Variants in TENM3 observed in about 807,000 individuals in gnomAD.
TENM3 encodes teneurin-3.
Under a neutral mutation model 255.1 loss-of-function variants are expected in TENM3, and 63 were observed. That is an observed-to-expected ratio of 0.25 (90% CI 0.20 to 0.30). The LOEUF is 0.30. TENM3 is among the 10% of genes least tolerant of loss of function. TENM3 has a pLI of 1.00. For synonymous variants in TENM3, 1,306 were observed against 1,322.3 expected (o/e 0.99, Z 0.27); for missense variants, 2,929 against 3,461.1 (o/e 0.85, Z 3.86).
chr4:182,250,485 A>T (rs1757946544), intron 1 of TENM3, among the ~76,000 whole-genome samples: 2 of 152,050 alleles, frequency 1.3e-5, no homozygotes, highest in South Asian at 4.1e-4. Context: ...AAGGTAACAC[A>T]ACTCGTAAAG....
At position 182,362,716 on chromosome 4, in the gene TENM3, G is replaced by C. The variant is rs552568801; in HGVS notation, c.511+15787G>C. On this transcript the variant is annotated intron_variant, in intron 3 of 27. Coordinates refer to ENST00000511685, the MANE Select transcript of TENM3 (RefSeq NM_001080477.4). Reference sequence around the variant, plus strand: ...CTCGCCCTGCTTCGGCTCGCACACGGTGCACGCACCCACTGACCTGCGCCC... The same window carrying C: ...CTCGCCCTGCTTCGGCTCGCACACGCTGCACGCACCCACTGACCTGCGCCC... Among the ~76,000 whole-genome samples the C allele has an allele frequency of 5.5e-3, 835 of 152,220 alleles. 9 individuals are homozygous for C. Among genetic ancestry groups the C allele is most frequent in the African/African-American group, 0.019 (797 of 41,544 alleles).
chr4:181,689,608 G>A, the TENM3 span, among the ~76,000 whole-genome samples: 2 of 152,210 alleles, frequency 1.3e-5, no homozygotes, highest in East Asian at 1.9e-4. Flanking sequence ...TCTGATTTTC[G>A]GTAAAAGTAT....
intron 3 of TENM3, among the ~76,000 whole-genome samples, chr4:182,411,585 G>A (rs1347768435): frequency 6.6e-6 from 1 of 152,168 alleles, no homozygotes; most frequent in African/African-American, 2.4e-5. Flanking sequence ...CCAAGAATAT[G>A]CATTTTAAAT....
chr4:182,317,412 G>A (rs1015015887), intron 1 of TENM3, among the ~76,000 whole-genome samples: 7 of 151,938 alleles, frequency 4.6e-5, no homozygotes, highest in African/African-American at 4.8e-5. Context: ...TGATCCTCCC[G>A]TCTCAGCCAC....
At chr4:181,534,306 G>C in the TENM3 span, among the ~76,000 whole-genome samples, 1 of 151,606 alleles carries the variant, frequency 6.6e-6, no homozygotes. Flanking sequence ...AATTGGTATA[G>C]AACATAAACA....
the TENM3 span, among the ~76,000 whole-genome samples, chr4:181,610,096 T>C: frequency 6.6e-6 from 1 of 152,200 alleles, no homozygotes; most frequent in East Asian, 1.9e-4. Flanking sequence ...TTGAAGACTT[T>C]ATGTGAAGTG....
chr4:182,133,756 T>C, the TENM3 span, among the ~76,000 whole-genome samples: 7 of 152,354 alleles, frequency 4.6e-5, no homozygotes, highest in Admixed American at 3.9e-4. Flanking sequence ...ATTTCTTTCT[T>C]AAATGGGACT....
chr4:182,602,875 T>C (rs982089033), intron 4 of TENM3, among the ~76,000 whole-genome samples: 7 of 152,238 alleles, frequency 4.6e-5, no homozygotes, highest in African/African-American at 1.7e-4. Flanking sequence ...TCAGATTGAA[T>C]ATGGATATTA....
chr4:182,611,945 A>C (rs551098913), intron 4 of TENM3, among the ~76,000 whole-genome samples: 2 of 152,164 alleles, frequency 1.3e-5, no homozygotes, highest in South Asian at 4.1e-4. Context: ...TTTTGCTGTG[A>C]GATACCTTGT....
chr4:182,087,928 C>T, the TENM3 span, among the ~76,000 whole-genome samples: 7 of 152,084 alleles, frequency 4.6e-5, no homozygotes, highest in African/African-American at 1.7e-4. Flanking sequence ...TCTTTGTAAC[C>T]CTTAGGAGCT....
At chr4:182,272,864 G>GT in intron 1 of TENM3, among the ~76,000 whole-genome samples, 1 of 152,306 alleles carries the variant, frequency 6.6e-6, no homozygotes, top group Non-Finnish European at 1.5e-5. Context: ...GAATGGCTGA[G>GT]TGAGATGGTT....
chr4:181,660,596 A>G, the TENM3 span, among the ~76,000 whole-genome samples: 2 of 152,218 alleles, frequency 1.3e-5, no homozygotes, highest in African/African-American at 2.4e-5. Flanking sequence ...AGTCTTATTA[A>G]AAAGAAAATA....
At chr4:182,080,139 T>C in the TENM3 span, among the ~76,000 whole-genome samples, 2 of 152,228 alleles carry the variant, frequency 1.3e-5, no homozygotes, top group African/African-American at 4.8e-5. Context: ...AATATGCTGA[T>C]CCTCGATCAC....
chr4:182,617,784 A>G (rs554599274), intron 4 of TENM3, among the ~76,000 whole-genome samples: 1 of 152,294 alleles, frequency 6.6e-6, no homozygotes, highest in East Asian at 1.9e-4. Flanking sequence ...AAGGGATTTT[A>G]TTTAATCAGG....
intron 1 of TENM3, among the ~76,000 whole-genome samples, chr4:182,213,902 C>A (rs534064032): frequency 6.6e-6 from 1 of 151,890 alleles, no homozygotes. Context: ...CCTGGGTTCA[C>A]GCCATTCTCC....
At chr4:181,886,637 A>G in the TENM3 span, among the ~76,000 whole-genome samples, 1 of 152,312 alleles carries the variant, frequency 6.6e-6, no homozygotes, top group South Asian at 2.1e-4. Flanking sequence ...TGCACTTAAT[A>G]TTCAGCTGTA....
intron 3 of TENM3, among the ~76,000 whole-genome samples, chr4:182,353,356 C>G (rs189672843): frequency 1.3e-5 from 2 of 152,062 alleles, no homozygotes; most frequent in Non-Finnish European, 2.9e-5. Flanking sequence ...GGCCCTCTTC[C>G]GGCATGTAAT....
chr4:181,569,579 T>A, the TENM3 span, among the ~76,000 whole-genome samples: 1 of 152,190 alleles, frequency 6.6e-6, no homozygotes, highest in Non-Finnish European at 1.5e-5. Flanking sequence ...GGGTTCTCAC[T>A]GATGAATACA....
At position 182,270,818 on chromosome 4, in the gene TENM3, T is replaced by TTATTATTAA. The variant is rs1420379887; in HGVS notation, c.-76+27343_-76+27344insATTATTAAT. ...AGATGGAGAATCTATAGTCAGAATA[T>TTATTATTAA]TCTTAATTTTTTAATATTCTTAGAG... On this transcript the variant is annotated intron_variant, in intron 1 of 27. Coordinates refer to ENST00000511685, the MANE Select transcript of TENM3 (RefSeq NM_001080477.4). Among the ~76,000 whole-genome samples the TTATTATTAA allele has an allele frequency of 3.9e-5, 6 of 152,276 alleles. No homozygotes were observed. In the South Asian group the frequency reaches 1.2e-3, roughly 32 times the overall value.
Sources: allele counts gnomAD v4.1 joint callset (sites outside exome capture counted in the v4.1 genomes callset), GRCh38; gene constraint gnomAD v4.1.1; transcripts MANE v1.5; gene names NCBI Gene and HGNC (gene_info 2026-07-23, HGNC 2026-07-21).